MRPL22: variants seen among roughly 807,000 people sequenced by gnomAD.
The protein encoded by MRPL22 is mitochondrial ribosomal protein L22, also known as large ribosomal subunit protein uL22m.
Under a neutral mutation model 32.4 loss-of-function variants are expected in MRPL22, and 27 were observed. The ratio of observed to expected loss-of-function variants is 0.83; its 90% CI spans 0.61 to 1.15. The LOEUF (loss-of-function observed/expected upper bound fraction) is 1.15, where lower values mean the gene tolerates loss of function less well. Ranked by LOEUF, MRPL22 falls within the 50% of genes most tolerant of loss-of-function variation. The pLI is 0.00. For synonymous variants in MRPL22, 86 were observed against 87.3 expected, an observed-to-expected ratio of 0.99 and a Z score of 0.08; for missense variants, 239 against 260.2, an observed-to-expected ratio of 0.92 and a Z score of 0.56.
chr5:154,950,082 C>G (rs1345316767), intron 2 of MRPL22, among the ~76,000 whole-genome samples: 1 of 152,144 alleles, frequency 6.6e-6, no homozygotes, highest in Non-Finnish European at 1.5e-5. Flanking sequence ...GGGGATGCCT[C>G]AGGAGACTTA....
intron 6 of MRPL22, among the ~76,000 whole-genome samples, chr5:154,961,425 C>A (rs1253832465): frequency 1.3e-5 from 2 of 152,156 alleles, no homozygotes; most frequent in Non-Finnish European, 2.9e-5. Flanking sequence ...AATATCAAAT[C>A]AAATTTAATT....
intron 5 of MRPL22, among the ~76,000 whole-genome samples, chr5:154,959,664 G>C (rs1003208036): frequency 2.0e-5 from 3 of 152,144 alleles, no homozygotes; most frequent in African/African-American, 7.2e-5. Flanking sequence ...GGAACTTTTT[G>C]ACAAGTTTCT....
At chr5:154,957,028 T>A in intron 4 of MRPL22, 107 bp from the exon 5 acceptor site, 1 of 1,010,682 alleles carries the variant, frequency 9.9e-7, no homozygotes, top group Non-Finnish European at 1.5e-6. Context: ...TGGGTTCAAT[T>A]CACTGTTTTT....
rs75026258 is a variant in MRPL22, at chr5:154,945,726, A to G, written c.77+4461A>G. 1.8e-3 allele frequency among the ~76,000 whole-genome samples: 275 copies of G among 152,360 alleles called. 4 individuals are homozygous for G. The East Asian group carries it at 0.024, about 13-fold the overall frequency. The stretch of plus-strand genomic sequence containing the variant: ...AAAACCCCAAGTGTCCTGGAACCCA[A>G]TTAAAGAAAGTGTCTCAAGGAAGAG... On this transcript the variant is annotated intron_variant, in intron 2 of 6. Coordinates refer to ENST00000523037, the MANE Select transcript of MRPL22 (RefSeq NM_014180.4).
chr5:154,950,757 A>T (rs550855247), intron 2 of MRPL22, 64 bp from the exon 3 acceptor site: 2 of 1,026,008 alleles, frequency 1.9e-6, no homozygotes, highest in African/African-American at 1.6e-5. Context: ...TTCAAAAGAT[A>T]TGTAAACTCT....
chr5:154,946,944 C>T (rs1764499868), intron 2 of MRPL22, among the ~76,000 whole-genome samples: 1 of 152,166 alleles, frequency 6.6e-6, no homozygotes, highest in African/African-American at 2.4e-5. Context: ...AGGCGTGAGC[C>T]ACCATACTTG....
intron 2 of MRPL22, among the ~76,000 whole-genome samples, chr5:154,943,709 G>C (rs1764451726): frequency 1.3e-5 from 2 of 149,876 alleles, no homozygotes; most frequent in African/African-American, 2.5e-5. Context: ...GCGTTTTGCT[G>C]TGTCACCCAG....
At chr5:154,948,642 A>T (rs1239615993) in intron 2 of MRPL22, among the ~76,000 whole-genome samples, 2 of 152,204 alleles carry the variant, frequency 1.3e-5, no homozygotes, top group Non-Finnish European at 2.9e-5. Context: ...GGAGGCACAT[A>T]ATGCCTCCTT....
chr5:154,965,080 C>G (rs1339967308), intron 6 of MRPL22, among the ~76,000 whole-genome samples: 1 of 152,218 alleles, frequency 6.6e-6, no homozygotes, highest in African/African-American at 2.4e-5. Context: ...CTTTCCCTAT[C>G]TCACTTAGAC....
In MRPL22 at chr5:154,966,912, C is replaced by T. The variant is rs370605719; in HGVS notation, c.*15C>T. On this transcript the variant is annotated 3_prime_UTR_variant, in exon 7 of 7. Transcript: ENST00000523037. ...ACACTCTATGATGAGGAGATTCAGA[C>T]TCCACAGTGTATATATTTTGCCATT... is the stretch of plus-strand genomic sequence containing the variant. 12 of 1,599,504 alleles carry T rather than the reference C, an allele frequency of 7.5e-6. No homozygotes were observed. The highest frequency in any genetic ancestry group is 6.7e-5 in the African/African-American group (5 of 74,636).
Position 154,943,595 on chromosome 5 carries a change from CATATATACATATATACACAT to C in MRPL22, c.77+2352_77+2371del, listed in dbSNP as rs1408826668. ...ATATATATATACACACATATATGCA[CATATATACATATATACACAT>C]ATATATACATATATACACATACATA... is the stretch of plus-strand genomic sequence containing the variant. On this transcript the variant is annotated intron_variant, in intron 2 of 6. Transcript: ENST00000523037. 1.2e-3 allele frequency among the ~76,000 whole-genome samples: 177 copies of C among 151,276 alleles called. No individual in the cohort carries two copies. In the Middle Eastern group the frequency reaches 0.017, roughly 15 times the overall value.
At chr5:154,957,654 AT>A (rs1318072119) in intron 5 of MRPL22, among the ~76,000 whole-genome samples, 1 of 152,022 alleles carries the variant, frequency 6.6e-6, no homozygotes, top group African/African-American at 2.4e-5. Context: ...TTGTAACTAA[AT>A]GGAAAGAGCC....
chr5:154,965,210 A>G (rs1764750371), intron 6 of MRPL22, among the ~76,000 whole-genome samples: 1 of 152,200 alleles, frequency 6.6e-6, no homozygotes, highest in East Asian at 1.9e-4. Context: ...ATACTTTGGT[A>G]TAGTCCCTAT....
At position 154,959,996 on chromosome 5, in the gene MRPL22, A is replaced by G; in HGVS notation, c.356A>G (p.Gln119Arg). ...KIIKEVLLEAQDMAVRDHNVE... is the reference protein window; with the variant it reads ...KIIKEVLLEARDMAVRDHNVE... Reference sequence around the variant, plus strand: ...TTATTTAAGGTTCTCTTAGAAGCACAAGATATGGCAGTGAGAGACCATAAC... The same window carrying G: ...TTATTTAAGGTTCTCTTAGAAGCACGAGATATGGCAGTGAGAGACCATAAC... Residue 119 changes from glutamine to arginine, a missense_variant, in exon 6 of 7, where the codon CAA becomes CGA. Physicochemically the swap from Gln to Arg is conservative, Grantham distance 43. Transcript: ENST00000523037. 1.9e-6 allele frequency: 3 copies of G among 1,611,934 alleles called. No individual in the cohort carries two copies. The highest frequency in any genetic ancestry group is 2.2e-5 in the East Asian group (1 of 44,806).
intron 3 of MRPL22, among the ~76,000 whole-genome samples, chr5:154,951,909 G>A (rs1385113295): frequency 7.2e-6 from 1 of 139,840 alleles, no homozygotes; most frequent in Non-Finnish European, 1.5e-5. Flanking sequence ...TTGAGATGGA[G>A]TCTCCCTCTG....
At chr5:154,946,461 C>G (rs73280705) in intron 2 of MRPL22, among the ~76,000 whole-genome samples, 24,784 of 151,974 alleles carry the variant, frequency 0.16, 2,647 homozygotes, top group African/African-American at 0.3. Flanking sequence ...TATTTGGGGG[C>G]TGGGGACAGG....
chr5:154,962,966 G>T (rs2113546314), intron 6 of MRPL22, among the ~76,000 whole-genome samples: 1 of 152,294 alleles, frequency 6.6e-6, no homozygotes, highest in African/African-American at 2.4e-5. Context: ...TTGAGACGGA[G>T]TCTCACTCTG....
At position 154,943,875 on chromosome 5, in the gene MRPL22, G is replaced by A. The variant is rs148814516; in HGVS notation, c.77+2610G>A. On this transcript the variant is annotated intron_variant, in intron 2 of 6. Transcript: ENST00000523037. ...AGACAAAGTCCTGTTATATTGCCCG[G>A]CTGGTCTGAAACTCCTGGGCTTAAG... Among the ~76,000 whole-genome samples, 734 of 151,896 alleles carry A rather than the reference G, an allele frequency of 4.8e-3. 7 individuals carry two copies. The highest frequency in any genetic ancestry group is 0.017 in the African/African-American group (688 of 41,394).
At chr5:154,946,118 G>T (rs998024566) in intron 2 of MRPL22, among the ~76,000 whole-genome samples, 1 of 152,164 alleles carries the variant, frequency 6.6e-6, no homozygotes, top group South Asian at 2.1e-4. Context: ...ATGTATTGAA[G>T]ATTTGAAGAG....
Sources: allele counts gnomAD v4.1 joint callset (sites outside exome capture counted in the v4.1 genomes callset), GRCh38; gene constraint gnomAD v4.1.1; transcripts MANE v1.5; gene names NCBI Gene and HGNC (gene_info 2026-07-23, HGNC 2026-07-21).